The following CRHBP variants were observed in gnomAD, a reference collection of about 807,000 sequenced individuals.
The protein encoded by CRHBP is corticotropin-releasing hormone-binding protein.
Under a neutral mutation model 34.9 loss-of-function variants are expected in CRHBP, and 19 were observed. The observed-to-expected ratio is 0.55, with a 90% CI of 0.38 to 0.80. The LOEUF (loss-of-function observed/expected upper bound fraction) is 0.80. Among genes scored for constraint, CRHBP ranks in the 30% least tolerant of loss-of-function variants. CRHBP has a pLI of 0.00. For missense variants in CRHBP, 328 were observed against 409.2 expected, an observed-to-expected ratio of 0.80 and a Z score of 1.71; for synonymous variants, 154 against 153.4, an observed-to-expected ratio of 1.00 and a Z score of -0.03.
At chr5:76,960,003 C>T (rs993343910) in intron 5 of CRHBP, among the ~76,000 whole-genome samples, 2 of 152,158 alleles carry the variant, frequency 1.3e-5, no homozygotes, top group African/African-American at 4.8e-5. Context: ...TTACCATGTG[C>T]AAGGCACTAT....
chr5:76,972,034 T>G (rs1027026333), downstream of CRHBP, among the ~76,000 whole-genome samples: 2 of 152,186 alleles, frequency 1.3e-5, no homozygotes, highest in Non-Finnish European at 2.9e-5. Context: ...TCTAATTTTC[T>G]AGATGCTTCT....
Position 76,967,582 on chromosome 5 carries a change from C to A in CRHBP, c.812-1146C>A, listed in dbSNP as rs182421067. On this transcript the variant is annotated intron_variant, in intron 6 of 6. Coordinates refer to ENST00000274368, the MANE Select transcript of CRHBP (RefSeq NM_001882.4). ...TGCCTCAGGAATCAGCTTGGATAAA[C>A]AAATAGAATAAATAAAAGGAAAGTA... Among the ~76,000 whole-genome samples the A allele has an allele frequency of 5.9e-4, 89 of 151,884 alleles. No individual in the cohort carries two copies. The East Asian group carries it at 0.011, about 19-fold the overall frequency.
intron 3 of CRHBP, among the ~76,000 whole-genome samples, chr5:76,954,629 C>G (rs1745639619): frequency 6.6e-6 from 1 of 152,214 alleles, no homozygotes; most frequent in Admixed American, 6.5e-5. Flanking sequence ...CTGAGCCCGC[C>G]TCGCTCCTGC....
Position 76,963,328 on chromosome 5 carries a change from G to A in CRHBP, c.694-15G>A. 5.0e-6 allele frequency: 8 copies of A among 1,608,750 alleles called. No individual in the cohort carries two copies. Among genetic ancestry groups the A allele is most frequent in the Non-Finnish European group, 6.8e-6 (8 of 1,175,224 alleles). ...TGGTTTAAATGTGTCTTTCTCTGCT[G>A]CTTTATTCCCTTAGAAATCCTCAGC... On this transcript the variant is annotated splice_polypyrimidine_tract_variant and intron_variant, in intron 5 of 6. Coordinates refer to ENST00000274368, the MANE Select transcript of CRHBP (RefSeq NM_001882.4).
At chr5:76,961,787 T>A (rs1745779716) in intron 5 of CRHBP, among the ~76,000 whole-genome samples, 1 of 152,204 alleles carries the variant, frequency 6.6e-6, no homozygotes, top group Non-Finnish European at 1.5e-5. Flanking sequence ...AGAGTCTCAC[T>A]CTGTCGCCCA....
Position 76,954,080 on chromosome 5 carries a change from G to A in CRHBP, c.227G>A (p.Arg76Gln), listed in dbSNP as rs147365557. The change falls in exon 3 of 7, where the codon CGG (arginine) becomes CAG (glutamine). Residue 76 changes from arginine (R) to glutamine (Q), a missense_variant. Physicochemically the swap from Arg to Gln is conservative, Grantham distance 43 (BLOSUM62 1). Around this residue, in one of 3 missense-constraint regions of CRHBP, gnomAD observed 173 missense variants for 172.2 expected, o/e 1.00. Coordinates refer to ENST00000274368, the MANE Select transcript of CRHBP (RefSeq NM_001882.4). ...GGCCAGTTCACCTTCACCGCCGACC[G>A]GCCGCAGCTGCACTGCGCAGCCTTC... ...LQGQFTFTAD[R>Q]PQLHCAAFFI... The A allele has an allele frequency of 5.0e-6, 8 of 1,613,798 alleles. No homozygotes were observed. The highest frequency in any genetic ancestry group is 5.9e-6 in the Non-Finnish European group (7 of 1,179,918).
At chr5:76,973,091 C>G (rs1417276579), downstream of CRHBP, among the ~76,000 whole-genome samples, 1 of 152,158 alleles carries the variant, frequency 6.6e-6, no homozygotes, top group Non-Finnish European at 1.5e-5. Flanking sequence ...TATGCATATC[C>G]ACATTGGACT....
rs528181571 is a variant in CRHBP at position 76,966,167 on chromosome 5, T to C, written c.812-2561T>C. On this transcript the variant is annotated intron_variant, in intron 6 of 6. Transcript: ENST00000274368. ...CCGAGTAGCTGGGATTACAGGCATG[T>C]GCCACCACGCCTGGCTAATTTTGTA... Among the ~76,000 whole-genome samples, 12 of 152,274 alleles carry C rather than the reference T, an allele frequency of 7.9e-5. No individual in the cohort carries two copies. The East Asian group carries it at 1.4e-3, about 17-fold the overall frequency.
intron 6 of CRHBP, among the ~76,000 whole-genome samples, chr5:76,966,686 G>A (rs895508777): frequency 2.0e-5 from 3 of 151,980 alleles, no homozygotes; most frequent in African/African-American, 7.3e-5. Flanking sequence ...GTTTTTCCTT[G>A]ATTCAGCATG....
At chr5:76,978,604 G>A (rs1297592711) in intron 3 of CRHBP, among the ~76,000 whole-genome samples, 1 of 152,188 alleles carries the variant, frequency 6.6e-6, no homozygotes, top group East Asian at 1.9e-4. Flanking sequence ...AGCTCTGAGG[G>A]AAATGTACAA....
chr5:76,953,917 G>C lies in CRHBP; in HGVS notation c.176-112G>C, dbSNP rs1005378205. The C allele has an allele frequency of 1.2e-5, 16 of 1,347,926 alleles. No individual in the cohort carries two copies. In the African/African-American group the frequency reaches 2.1e-4, roughly 18 times the overall value. The allele number at this position is 1,347,926 out of a possible 1,614,324, so 83.5% of individuals were successfully genotyped here. A position where few individuals can be genotyped will look rare whatever the true frequency, so the allele number is the denominator to read the frequency against. On this transcript the variant is annotated intron_variant, in intron 2 of 6. Coordinates refer to ENST00000274368, the MANE Select transcript of CRHBP (RefSeq NM_001882.4). Reference sequence around the variant, plus strand: ...CAGCGCAGCCTAGGCTGGAAGTCGGGGCGCTGGGCACTACAGAGCCCGGGA... The same window carrying C: ...CAGCGCAGCCTAGGCTGGAAGTCGGCGCGCTGGGCACTACAGAGCCCGGGA...
At chr5:76,961,542 T>C (rs1200629251) in intron 5 of CRHBP, among the ~76,000 whole-genome samples, 1 of 152,204 alleles carries the variant, frequency 6.6e-6, no homozygotes, top group African/African-American at 2.4e-5. Flanking sequence ...CTGTATACAG[T>C]GGGGCTAATT....
chr5:76,969,118 G>A lies in CRHBP; in HGVS notation c.*233G>A, dbSNP rs1440141412. 1.9e-5 allele frequency: 8 copies of A among 411,020 alleles called. No homozygotes were observed. The highest frequency in any genetic ancestry group is 8.6e-6 in the Non-Finnish European group (2 of 233,452). The allele number at this position is 411,020 out of a possible 1,614,324, so 25.5% of individuals were successfully genotyped here. A position where few individuals can be genotyped will look rare whatever the true frequency, so the allele number is the denominator to read the frequency against. ...CATGGCAGAAAATAACCCCTGATTG[G>A]TAGGATCATAGTTCTAAATGGAAAT... is the stretch of plus-strand genomic sequence containing the variant. On this transcript the variant is annotated 3_prime_UTR_variant, in exon 7 of 7. Coordinates refer to ENST00000274368, the MANE Select transcript of CRHBP (RefSeq NM_001882.4).
In CRHBP at chr5:76,968,907, A is replaced by G. The variant is rs1403070723; in HGVS notation, c.*22A>G. 4 of 1,607,132 alleles carry G rather than the reference A, an allele frequency of 2.5e-6. No individual in the cohort carries two copies. The highest frequency in any genetic ancestry group is 3.4e-6 in the Non-Finnish European group (4 of 1,175,226). Reference sequence around the variant, plus strand: ...TTGAATAACCAACCCAGTGATTTACATGCTGATAGCTAAGTGAGTTTTTAA... The same window carrying G: ...TTGAATAACCAACCCAGTGATTTACGTGCTGATAGCTAAGTGAGTTTTTAA... On this transcript the variant is annotated 3_prime_UTR_variant, in exon 7 of 7. Transcript: ENST00000274368.
chr5:76,973,195 A>C (rs778098837), downstream of CRHBP, among the ~76,000 whole-genome samples: 3 of 152,240 alleles, frequency 2.0e-5, no homozygotes, highest in Non-Finnish European at 4.4e-5. Context: ...GGCCTGTCTA[A>C]ATCCAATTCT....
rs140336930 is a variant in CRHBP at position 76,964,351 on chromosome 5, A to T, written c.811+891A>T. ...CCTCCTTCCTCTCCTGTCACTGCAG[A>T]TCATTAACCAGCTAGGCAATGAAGC... On this transcript the variant is annotated intron_variant, in intron 6 of 6. Transcript: ENST00000274368. 1.2e-4 allele frequency among the ~76,000 whole-genome samples: 19 copies of T among 152,346 alleles called. 1 individual carries two copies. The highest frequency in any genetic ancestry group is 5.8e-4 in the East Asian group (3 of 5,194).
intron 4 of CRHBP, 72 bp from the exon 5 acceptor site, chr5:76,958,669 T>A: frequency 6.6e-7 from 1 of 1,508,170 alleles, no homozygotes; most frequent in Non-Finnish European, 8.9e-7. Context: ...TAGAATAAGA[T>A]ACAATAAATG....
chr5:76,975,214 G>T (rs1296919762), intron 2 of CRHBP, among the ~76,000 whole-genome samples: 1 of 152,194 alleles, frequency 6.6e-6, no homozygotes, highest in Admixed American at 6.5e-5. Flanking sequence ...CACCAGCACA[G>T]CAGGTAGCTA....
chr5:76,967,258 A>C (rs538001887), intron 6 of CRHBP, among the ~76,000 whole-genome samples: 81 of 152,150 alleles, frequency 5.3e-4, no homozygotes, highest in Non-Finnish European at 1.1e-3. Context: ...AAGAAAGGAA[A>C]GGAAAAGAAA....
Sources: allele counts gnomAD v4.1 joint callset (sites outside exome capture counted in the v4.1 genomes callset), GRCh38; gene constraint gnomAD v4.1.1; regional missense constraint gnomAD v4.1.1; transcripts MANE v1.5; gene names NCBI Gene and HGNC (gene_info 2026-07-23, HGNC 2026-07-21).